PAQR5: variants seen among roughly 807,000 people sequenced by gnomAD.
PAQR5 encodes membrane progestin receptor gamma.
Under a neutral mutation model 34.5 loss-of-function variants are expected in PAQR5, and 20 were observed. The observed-to-expected ratio is 0.58, with a 90% confidence interval of 0.41 to 0.84. The LOEUF (loss-of-function observed/expected upper bound fraction) is 0.84. Among genes scored for constraint, PAQR5 ranks in the 40% least tolerant of loss-of-function variants. The pLI is 0.00. For missense variants in PAQR5, 378 were observed against 412.7 expected (o/e 0.92, Z 0.73); for synonymous variants, 131 against 155.6 (o/e 0.84, Z 1.18).
At position 69,378,264 on chromosome 15, in the gene PAQR5, TAAAAA is replaced by T. The variant is rs71149912; in HGVS notation, c.52-1597_52-1593del. ...TGGGCAACAAAATGAGACTCCATCT[TAAAAA>T]AAAAAAAAAAAAAAAAAAAAATTAG... On this transcript the variant is annotated intron_variant, in intron 3 of 8. Coordinates refer to ENST00000395407, the MANE Select transcript of PAQR5 (RefSeq NM_017705.4). Among the ~76,000 whole-genome samples, 505 of 59,690 alleles carry T rather than the reference TAAAAA, an allele frequency of 8.5e-3. 11 individuals carry two copies. The highest frequency in any genetic ancestry group is 0.04 in the African/African-American group (479 of 11,862). The allele number at this position is 59,690 out of a possible 152,430, so 39.2% of individuals were successfully genotyped here.
At chr15:69,401,129 G>C (rs1228135368) in intron 8 of PAQR5, 2 of 152,276 alleles carry the variant, frequency 1.3e-5, no homozygotes, top group East Asian at 3.9e-4. Context: ...TGCAGAATGT[G>C]CCTCCTCCGC....
chr15:69,399,815 C>T (rs750262982), intron 7 of PAQR5, among the ~76,000 whole-genome samples, 159 bp from the exon 8 acceptor site: 6 of 152,192 alleles, frequency 3.9e-5, no homozygotes, highest in Non-Finnish European at 7.4e-5. Flanking sequence ...AGGTCACAGA[C>T]CTGAGGAGGT....
At chr15:69,305,635 C>A (rs1247707477) in intron 1 of PAQR5, among the ~76,000 whole-genome samples, 1 of 152,100 alleles carries the variant, frequency 6.6e-6, no homozygotes, top group Non-Finnish European at 1.5e-5. Flanking sequence ...TAGGACTCAG[C>A]ATTCCACCCA....
chr15:69,400,328 G>A (rs906945455), intron 8 of PAQR5, among the ~76,000 whole-genome samples: 1 of 152,198 alleles, frequency 6.6e-6, no homozygotes, highest in African/African-American at 2.4e-5. Context: ...GGGCCCAGGA[G>A]CCTAAAGCAT....
intron 3 of PAQR5, among the ~76,000 whole-genome samples, chr15:69,374,444 G>A (rs1274122064): frequency 6.6e-6 from 1 of 152,176 alleles, no homozygotes; most frequent in African/African-American, 2.4e-5. Context: ...GGGAGGCCAA[G>A]GCTGGTGGAT....
chr15:69,322,726 A>G lies in PAQR5; in HGVS notation c.-276-14615A>G, dbSNP rs1391942310. Among the ~76,000 whole-genome samples the G allele has an allele frequency of 2.0e-3, 51 of 26,122 alleles. 6 individuals carry two copies. Among genetic ancestry groups the G allele is most frequent in the South Asian group, 6.3e-3 (3 of 480 alleles). 17.1% of individuals were successfully genotyped at this position (26,122 alleles called of 152,430 possible). On this transcript the variant is annotated intron_variant, in intron 1 of 8. Coordinates refer to ENST00000395407, the MANE Select transcript of PAQR5 (RefSeq NM_017705.4). ...GAAGAAGAAGAAGAAGAAGAAGAAG[A>G]AGAAGAAGAAGAAGAAGAAGAAGAA...
At chr15:69,332,161 G>C (rs2054394274) in intron 1 of PAQR5, among the ~76,000 whole-genome samples, 1 of 152,212 alleles carries the variant, frequency 6.6e-6, no homozygotes, top group African/African-American at 2.4e-5. Flanking sequence ...TGTGAGACTA[G>C]TCTTAGGCGG....
At chr15:69,311,686 C>T (rs565861092) in intron 1 of PAQR5, among the ~76,000 whole-genome samples, 51 of 152,306 alleles carry the variant, frequency 3.3e-4, no homozygotes, top group African/African-American at 1.2e-3. Flanking sequence ...ACCTGCCCTG[C>T]TGTGCTTTTC....
At position 69,352,758 on chromosome 15, in the gene PAQR5, A is replaced by T. The variant is rs140102550; in HGVS notation, c.-115-7208A>T. ...TTTGCTTGGAAGCAGAAATGGCCAG[A>T]TGTATATAGTTTACTGATTCATGGG... On this transcript the variant is annotated intron_variant, in intron 2 of 8. Coordinates refer to ENST00000395407, the MANE Select transcript of PAQR5 (RefSeq NM_017705.4). Among the ~76,000 whole-genome samples, 1,259 of 152,288 alleles carry T rather than the reference A, an allele frequency of 8.3e-3. 15 individuals carry two copies. The highest frequency in any genetic ancestry group is 0.013 in the Non-Finnish European group (880 of 68,026).
At chr15:69,335,204 A>G (rs552881867) in intron 1 of PAQR5, among the ~76,000 whole-genome samples, 296 of 150,936 alleles carry the variant, frequency 2.0e-3, no homozygotes, top group African/African-American at 6.7e-3. Flanking sequence ...CAACAGAGTG[A>G]GACCATGTCT....
chr15:69,345,121 GAGAAAGAAGAAAGGAAAGAA>G (rs796249437), intron 2 of PAQR5, among the ~76,000 whole-genome samples: 47 of 149,660 alleles, frequency 3.1e-4, no homozygotes, highest in African/African-American at 9.3e-4. Context: ...AAAAAGAAAA[GAGAAAGAAGAAAGGAAAGAA>G]AGAAAGAAGA....
intron 1 of PAQR5, among the ~76,000 whole-genome samples, chr15:69,300,582 T>TTTCC (rs2053514562): frequency 1.2e-5 from 1 of 80,468 alleles, no homozygotes; most frequent in Non-Finnish European, 2.9e-5. Flanking sequence ...TCTTTCTTTC[T>TTTCC]TTCTTTCCTT....
intron 3 of PAQR5, among the ~76,000 whole-genome samples, chr15:69,375,702 C>T (rs1315816727): frequency 2.6e-5 from 4 of 152,182 alleles, no homozygotes; most frequent in Non-Finnish European, 5.9e-5. Context: ...GCCCTAACCT[C>T]TCCAGGCCTC....
Position 69,361,965 on chromosome 15 carries a change from G to A in PAQR5, c.51+1834G>A, listed in dbSNP as rs370103112. ...CATGGGGCAGGTGGTGATGGTGGGG[G>A]GACTGGGGAGCGTCTTGGGGGTAGA... On this transcript the variant is annotated intron_variant, in intron 3 of 8. Transcript: ENST00000395407. Among the ~76,000 whole-genome samples the A allele has an allele frequency of 3.9e-5, 6 of 151,950 alleles. No homozygotes were observed. The East Asian group carries it at 7.7e-4, about 20-fold the overall frequency.
At chr15:69,299,934 C>G (rs2053491758) in intron 1 of PAQR5, among the ~76,000 whole-genome samples, 1 of 152,188 alleles carries the variant, frequency 6.6e-6, no homozygotes, top group African/African-American at 2.4e-5. Context: ...TCATTTGAAC[C>G]TAACAAACCA....
intron 1 of PAQR5, among the ~76,000 whole-genome samples, chr15:69,299,781 C>T (rs946288753): frequency 2.0e-5 from 3 of 152,180 alleles, no homozygotes; most frequent in Non-Finnish European, 4.4e-5. Context: ...GGCTTCCTCC[C>T]GCTTAGGTTG....
chr15:69,397,340 A>G (rs1156859223), intron 6 of PAQR5, 128 bp from the exon 7 acceptor site: 1 of 746,626 alleles, frequency 1.3e-6, no homozygotes, highest in Non-Finnish European at 2.5e-6. Context: ...GCTGCTGGCC[A>G]CAGGAGCTTG....
intron 6 of PAQR5, among the ~76,000 whole-genome samples, chr15:69,390,989 T>C (rs2056253296): frequency 6.6e-6 from 1 of 152,164 alleles, no homozygotes; most frequent in East Asian, 1.9e-4. Context: ...ATGGTTGTGT[T>C]GGGGTGACAG....
At chr15:69,361,585 G>A (rs1434063833) in intron 3 of PAQR5, among the ~76,000 whole-genome samples, 7 of 152,098 alleles carry the variant, frequency 4.6e-5, no homozygotes, top group African/African-American at 1.7e-4. Context: ...ACAATCATGA[G>A]GGAAGAGGCA....
Sources: allele counts gnomAD v4.1 joint callset (sites outside exome capture counted in the v4.1 genomes callset), GRCh38; gene constraint gnomAD v4.1.1; transcripts MANE v1.5; gene names NCBI Gene and HGNC (gene_info 2026-07-23, HGNC 2026-07-21).